Variants in CAGE1 observed in about 807,000 individuals in gnomAD.
The protein encoded by CAGE1 is cancer-associated gene 1 protein.
CAGE1 carries 66 observed loss-of-function variants against 94.9 expected under a neutral mutation model. That is an observed-to-expected ratio of 0.70 (90% CI 0.57 to 0.85). CAGE1 has a LOEUF of 0.85. Ranked by LOEUF, CAGE1 falls within the 40% of genes least tolerant of loss-of-function variation. The probability of loss-of-function intolerance (pLI) is 0.00; values close to 1 mark genes in which losing one functional copy is unlikely to be tolerated. For missense variants in CAGE1, 865 were observed against 950.4 expected (o/e 0.91, Z 1.18); for synonymous variants, 319 against 321.0 (o/e 0.99, Z 0.07).
In CAGE1 at chr6:7,389,582, A is replaced by G. The variant is rs930003362; in HGVS notation, c.-404T>C. The G allele has an allele frequency of 6.0e-6, 2 of 332,754 alleles. No individual in the cohort carries two copies. The highest frequency in any genetic ancestry group is 7.9e-5 in the Admixed American group (2 of 25,464). 20.6% of individuals were successfully genotyped at this position (332,754 alleles called of 1,614,324 possible). ...CCCTAGGCCGAACAGCCTGTGGGCT[A>G]GCTGGCGCCTCCTGCCGCAGTAAAC... On this transcript the variant is annotated 5_prime_UTR_variant, in exon 1 of 14. Coordinates refer to ENST00000502583, the MANE Select transcript of CAGE1 (RefSeq NM_001170692.2).
chr6:7,330,425 C>A (rs891212856), intron 12 of CAGE1, among the ~76,000 whole-genome samples: 12 of 152,106 alleles, frequency 7.9e-5, no homozygotes, highest in Non-Finnish European at 1.0e-4. Context: ...CGATGAGGCA[C>A]ACTCTCACTA....
chr6:7,326,896 G>GC lies in CAGE1; in HGVS notation c.2481dup (p.Pro828AlafsTer5), dbSNP rs1488893509. 2 of 1,581,372 alleles carry GC rather than the reference G, an allele frequency of 1.3e-6. No homozygotes were observed. The highest frequency in any genetic ancestry group is 4.5e-5 in the East Asian group (2 of 44,646). On this transcript the variant is annotated frameshift_variant, in exon 14 of 14. Transcript: ENST00000502583. LOFTEE classifies it high-confidence loss of function. Reference sequence around the variant, plus strand: ...TTTCTATTTTCTTTAAAAAGAGCTGGCATCTAAAAATGAAAGGAAAAATGT... The same window carrying GC: ...TTTCTATTTTCTTTAAAAAGAGCTGGCCATCTAAAAATGAAAGGAAAAATGT...
At chr6:7,331,852 T>G (rs1378885364) in intron 12 of CAGE1, among the ~76,000 whole-genome samples, 4 of 152,204 alleles carry the variant, frequency 2.6e-5, no homozygotes. Context: ...TGAACAAACA[T>G]GACTTATGAC....
intron 9 of CAGE1, among the ~76,000 whole-genome samples, chr6:7,359,961 A>G (rs1223245913): frequency 6.6e-6 from 1 of 152,138 alleles, no homozygotes; most frequent in African/African-American, 2.4e-5. Flanking sequence ...CTAAAGTCAA[A>G]GTGTCAACAG....
chr6:7,380,954 C>T lies in CAGE1; in HGVS notation c.284-1934G>A, dbSNP rs565931998. 1.4e-3 allele frequency among the ~76,000 whole-genome samples: 207 copies of T among 152,222 alleles called. 1 individual carries two copies. Among genetic ancestry groups the T allele is most frequent in the Non-Finnish European group, 2.2e-3 (150 of 68,016 alleles). On this transcript the variant is annotated intron_variant, in intron 3 of 13. Coordinates refer to ENST00000502583, the MANE Select transcript of CAGE1 (RefSeq NM_001170692.2). ...CAAAGTGTACCAATTTATGCTTCTA[C>T]CAGTAGCCTCTGGGTTCCTTTGCTC...
chr6:7,382,312 C>CT (rs1581699828), intron 3 of CAGE1, among the ~76,000 whole-genome samples: 1 of 149,346 alleles, frequency 6.7e-6, no homozygotes, highest in East Asian at 2.1e-4. Flanking sequence ...TTTCTCCTGT[C>CT]TTTTTTTTGA....
At chr6:7,345,595 A>C (rs1054923695) in intron 11 of CAGE1, among the ~76,000 whole-genome samples, 27 of 152,222 alleles carry the variant, frequency 1.8e-4, no homozygotes, top group African/African-American at 6.5e-4. Flanking sequence ...AATAGCTTTC[A>C]TAGTAAACAG....
chr6:7,358,484 A>G (rs1760057786), intron 9 of CAGE1, among the ~76,000 whole-genome samples: 2 of 152,154 alleles, frequency 1.3e-5, no homozygotes, highest in Admixed American at 1.3e-4. Context: ...TTTATTATAA[A>G]TAAAGCTACA....
At chr6:7,328,656 C>G (rs1402711381) in intron 13 of CAGE1, among the ~76,000 whole-genome samples, 1 of 151,992 alleles carries the variant, frequency 6.6e-6, no homozygotes, top group Non-Finnish European at 1.5e-5. Flanking sequence ...AAAATGACAG[C>G]TAGATAGAAG....
At chr6:7,333,637 A>ATCTAT (rs1561846068) in intron 12 of CAGE1, among the ~76,000 whole-genome samples, 36 of 120,746 alleles carry the variant, frequency 3.0e-4, no homozygotes, top group Admixed American at 4.1e-4. Flanking sequence ...TATCTATCTA[A>ATCTAT]CTATCTATAT....
At chr6:7,329,073 A>T in intron 13 of CAGE1, 1 of 260,116 alleles carries the variant, frequency 3.8e-6, no homozygotes, top group Non-Finnish European at 7.2e-6. Context: ...CTGGGATTAC[A>T]GGCACGCACC....
At chr6:7,335,073 G>A (rs1182800643) in intron 11 of CAGE1, among the ~76,000 whole-genome samples, 4 of 152,274 alleles carry the variant, frequency 2.6e-5, no homozygotes, top group African/African-American at 4.8e-5. Flanking sequence ...CATTCCTGAG[G>A]GGGCTTGGCC....
intron 12 of CAGE1, among the ~76,000 whole-genome samples, chr6:7,332,769 T>C (rs900892346): frequency 6.6e-6 from 1 of 152,188 alleles, no homozygotes; most frequent in African/African-American, 2.4e-5. Flanking sequence ...TCCATACTTT[T>C]ATATCTTGGA....
At chr6:7,328,396 T>G (rs933208535) in intron 13 of CAGE1, among the ~76,000 whole-genome samples, 3 of 152,058 alleles carry the variant, frequency 2.0e-5, no homozygotes, top group African/African-American at 7.2e-5. Flanking sequence ...TCAGTTCCAT[T>G]TGGGAGACAG....
chr6:7,365,754 A>T (rs959879334), intron 8 of CAGE1, 50 bp downstream of exon 8: 15 of 1,358,232 alleles, frequency 1.1e-5, no homozygotes, highest in Non-Finnish European at 1.5e-5. Context: ...AAATACCTGA[A>T]ATTGTATATT....
rs928318577 is a variant in CAGE1 at position 7,366,602 on chromosome 6, G to T, written c.2005-718C>A. 2.6e-5 allele frequency among the ~76,000 whole-genome samples: 4 copies of T among 152,310 alleles called. No homozygotes were observed. In the East Asian group the frequency reaches 7.7e-4, roughly 29 times the overall value. On this transcript the variant is annotated intron_variant, in intron 7 of 13. Coordinates refer to ENST00000502583, the MANE Select transcript of CAGE1 (RefSeq NM_001170692.2). ...GGGCACTGGGTCTCTAAGAAGCCTCGCTGGTAGATGACACTTCCACACCTG... is the reference window on the plus strand; with the variant it reads ...GGGCACTGGGTCTCTAAGAAGCCTCTCTGGTAGATGACACTTCCACACCTG...
chr6:7,335,116 C>G (rs928229902), intron 11 of CAGE1, among the ~76,000 whole-genome samples: 3 of 152,238 alleles, frequency 2.0e-5, no homozygotes, highest in African/African-American at 7.2e-5. Context: ...CCCGTTTCCA[C>G]TGTCATGTTG....
Position 7,345,353 on chromosome 6 carries a change from C to T in CAGE1, c.2369+9688G>A, listed in dbSNP as rs201221249. Among the ~76,000 whole-genome samples the T allele has an allele frequency of 1.6e-4, 22 of 140,182 alleles. No homozygotes were observed. In the East Asian group the frequency reaches 3.7e-3, roughly 24 times the overall value. 92.0% of individuals were successfully genotyped at this position (140,182 alleles called of 152,430 possible). A position where few individuals can be genotyped will look rare whatever the true frequency, so the allele number is the denominator to read the frequency against. On this transcript the variant is annotated intron_variant, in intron 11 of 13. Coordinates refer to ENST00000502583, the MANE Select transcript of CAGE1 (RefSeq NM_001170692.2). ...TAAACCCAGCAGGATGAAAGAAACT[C>T]TGAACACATCAGAACATCAGAAGGA...
At chr6:7,351,237 A>G (rs1413610807) in intron 11 of CAGE1, among the ~76,000 whole-genome samples, 1 of 152,180 alleles carries the variant, frequency 6.6e-6, no homozygotes, top group Non-Finnish European at 1.5e-5. Flanking sequence ...CAACCTTCCT[A>G]GCTTAAATCA....
Sources: allele counts gnomAD v4.1 joint callset (sites outside exome capture counted in the v4.1 genomes callset), GRCh38; gene constraint gnomAD v4.1.1; transcripts MANE v1.5; gene names NCBI Gene and HGNC (gene_info 2026-07-23, HGNC 2026-07-21).